SCOC: variants seen among roughly 807,000 people sequenced by gnomAD.
SCOC encodes short coiled-coil protein.
SCOC carries 7 observed loss-of-function variants against 9.9 expected under a neutral mutation model. The observed-to-expected ratio is 0.71, with a 90% confidence interval of 0.40 to 1.33. SCOC has a LOEUF of 1.33. SCOC is among the 40% of genes most tolerant of loss of function. The pLI is 0.01. For synonymous variants in SCOC, 19 were observed against 28.2 expected (o/e 0.67, Z 1.03); for missense variants, 66 against 89.7 (o/e 0.74, Z 1.07).
Position 140,276,739 on chromosome 4 carries a change from G to A in SCOC, c.-19+19329G>A, listed in dbSNP as rs536060064. The stretch of plus-strand genomic sequence containing the variant: ...CCCAAAGTGCTGGGATTACAGGCGT[G>A]AGCCACCTCGGCCAGCCACTCTCCC... On this transcript the variant is annotated intron_variant, in intron 1 of 4. Coordinates refer to the SCOC transcript ENST00000394205. 1.4e-4 allele frequency among the ~76,000 whole-genome samples: 22 copies of A among 152,080 alleles called. No homozygotes were observed. The South Asian group carries it at 3.7e-3, about 26-fold the overall frequency.
intron 2 of SCOC, among the ~76,000 whole-genome samples, chr4:140,344,491 G>C (rs560099684): frequency 2.0e-5 from 3 of 152,150 alleles, no homozygotes; most frequent in Admixed American, 1.3e-4. Context: ...ATACAGCCAC[G>C]CTTCTCCACT....
At chr4:140,294,903 CA>C (rs1187186843) in intron 1 of SCOC, among the ~76,000 whole-genome samples, 1 of 152,118 alleles carries the variant, frequency 6.6e-6, no homozygotes. Flanking sequence ...TTTCTGTGTC[CA>C]AATGTCTGGA....
chr4:140,349,124 C>T (rs1726868491), intron 2 of SCOC, among the ~76,000 whole-genome samples: 1 of 152,306 alleles, frequency 6.6e-6, no homozygotes, highest in East Asian at 1.9e-4. Context: ...TTCCTCTTAA[C>T]TCTGCAGTAA....
chr4:140,373,888 C>T (rs1047396880), intron 1 of SCOC, 171 bp downstream of exon 1: 9 of 747,956 alleles, frequency 1.2e-5, no homozygotes, highest in African/African-American at 5.2e-5. Context: ...AGGCCTGGCT[C>T]CCGGCAGAAC....
In SCOC at chr4:140,383,035, G is replaced by A. The variant is rs1728619461; in HGVS notation, c.*1931G>A. On this transcript the variant is annotated 3_prime_UTR_variant, in exon 4 of 4. Transcript: ENST00000608372. ...TAATTTGCAGAAAAAGAACATGGAA[G>A]TGTACATATGCAAGGTGTTATGGGC... 6.6e-6 allele frequency: 1 copy of A among 152,234 alleles called. No homozygotes were observed. Among genetic ancestry groups the A allele is most frequent in the Non-Finnish European group, 1.5e-5 (1 of 68,038 alleles). 9.4% of individuals were successfully genotyped at this position (152,234 alleles called of 1,614,324 possible). A position where few individuals can be genotyped will look rare whatever the true frequency, so the allele number is the denominator to read the frequency against.
Position 140,292,189 on chromosome 4 carries a change from G to GTTT in SCOC, c.-19+34794_-19+34796dup, listed in dbSNP as rs5862468. On this transcript the variant is annotated intron_variant, in intron 1 of 4. Coordinates refer to the SCOC transcript ENST00000394205. Reference sequence around the variant, plus strand: ...ATCTGCTTCCAGCGGTACTCTTCTGGTTTTTTTTTTTTTTTTTGAGACAGG... The same window carrying GTTT: ...ATCTGCTTCCAGCGGTACTCTTCTGGTTTTTTTTTTTTTTTTTTTTGAGACAGG... 3.0e-4 allele frequency among the ~76,000 whole-genome samples: 41 copies of GTTT among 135,450 alleles called. No homozygotes were observed. The East Asian group carries it at 3.7e-3, about 12-fold the overall frequency. The allele number at this position is 135,450 out of a possible 152,430, so 88.9% of individuals were successfully genotyped here.
At position 140,278,380 on chromosome 4, in the gene SCOC, A is replaced by C. The variant is rs574977510; in HGVS notation, c.-19+20970A>C. Among the ~76,000 whole-genome samples, 255 of 151,764 alleles carry C rather than the reference A, an allele frequency of 1.7e-3. 2 individuals are homozygous for C. The highest frequency in any genetic ancestry group is 3.4e-3 in the Middle Eastern group (1 of 294). ...AGTGGCGCAATCTTGGCTCACTGCG[A>C]GCTCGGCCTCCTGGGTTCACGCCAT... On this transcript the variant is annotated intron_variant, in intron 1 of 4. Coordinates refer to the SCOC transcript ENST00000394205.
rs1376673589 is a variant in SCOC, at chr4:140,383,294, C to T, written c.*2190C>T. The T allele has an allele frequency of 1.3e-5, 2 of 152,230 alleles. No individual in the cohort carries two copies. The highest frequency in any genetic ancestry group is 4.8e-5 in the African/African-American group (2 of 41,460). The allele number at this position is 152,230 out of a possible 1,614,324, so 9.4% of individuals were successfully genotyped here. A position where few individuals can be genotyped will look rare whatever the true frequency, so the allele number is the denominator to read the frequency against. Reference sequence around the variant, plus strand: ...TCTTCATCCAGCTAGTGATTCAGCTCACAATCTAGGATCTCTATTAAAGGT... The same window carrying T: ...TCTTCATCCAGCTAGTGATTCAGCTTACAATCTAGGATCTCTATTAAAGGT... On this transcript the variant is annotated 3_prime_UTR_variant, in exon 4 of 4. Coordinates refer to ENST00000608372, the MANE Select transcript of SCOC (RefSeq NM_001153484.2).
intron 1 of SCOC, among the ~76,000 whole-genome samples, chr4:140,295,265 T>A (rs2126441765): frequency 6.6e-6 from 1 of 152,264 alleles, no homozygotes; most frequent in South Asian, 2.1e-4. Context: ...TTACATCTGA[T>A]ATCTTTGGTC....
chr4:140,349,071 A>T (rs552219430), intron 2 of SCOC, among the ~76,000 whole-genome samples: 44 of 152,096 alleles, frequency 2.9e-4, no homozygotes, highest in South Asian at 8.3e-4. Context: ...GTTTTCTTGC[A>T]TTTTCCACTT....
chr4:140,278,061 T>C (rs189658200), intron 1 of SCOC, among the ~76,000 whole-genome samples: 7 of 152,364 alleles, frequency 4.6e-5, no homozygotes, highest in African/African-American at 1.7e-4. Flanking sequence ...GAACTAAGTA[T>C]AGTTGGCTAA....
chr4:140,291,200 A>T (rs962275414), intron 1 of SCOC, among the ~76,000 whole-genome samples: 1 of 152,206 alleles, frequency 6.6e-6, no homozygotes, highest in South Asian at 2.1e-4. Flanking sequence ...GTCTCCCAAT[A>T]TTCTTAAGTG....
At chr4:140,369,522 T>C (rs113510871), upstream of SCOC, among the ~76,000 whole-genome samples, 2,022 of 152,318 alleles carry the variant, frequency 0.013, 23 homozygotes, top group Non-Finnish European at 0.021. Flanking sequence ...ATATCCACAG[T>C]ACGTTTAGAA....
intron 1 of SCOC, chr4:140,284,725 A>G (rs182701196): frequency 6.0e-4 from 92 of 152,974 alleles, no homozygotes; most frequent in Non-Finnish European, 1.0e-3. Flanking sequence ...ACCAGGGAGA[A>G]GAAGAAAGAG....
At chr4:140,325,912 C>T (rs1010555122) in intron 1 of SCOC, among the ~76,000 whole-genome samples, 4 of 152,082 alleles carry the variant, frequency 2.6e-5, no homozygotes, top group Non-Finnish European at 4.4e-5. Context: ...ACAGTCATTC[C>T]AAACGAGAAA....
At chr4:140,355,220 T>TATATATG (rs1393757141) in intron 2 of SCOC, among the ~76,000 whole-genome samples, 4,697 of 18,678 alleles carry the variant, frequency 0.25, 155 homozygotes, top group East Asian at 0.35. Flanking sequence ...TTTATATATA[T>TATATATG]ATATATATAT....
At chr4:140,324,088 T>C (rs1732577578) in intron 1 of SCOC, among the ~76,000 whole-genome samples, 1 of 152,130 alleles carries the variant, frequency 6.6e-6, no homozygotes, top group African/African-American at 2.4e-5. Context: ...AATCAATCAA[T>C]GTAATTCATT....
Position 140,365,215 on chromosome 4 carries a change from G to A in SCOC, c.71-13906G>A, listed in dbSNP as rs546935450. On this transcript the variant is annotated intron_variant, in intron 2 of 4. Transcript: ENST00000338517. ...GAAAAGTGAAGGGTTTCAAGATCTG[G>A]ATCTTGGAGAAATGTAAGAGCTAAC... 2.5e-4 allele frequency among the ~76,000 whole-genome samples: 37 copies of A among 151,004 alleles called. 1 individual carries two copies. The South Asian group carries it at 7.1e-3, about 29-fold the overall frequency.
intron 1 of SCOC, among the ~76,000 whole-genome samples, chr4:140,303,668 C>T (rs1419441359): frequency 6.6e-6 from 1 of 152,172 alleles, no homozygotes; most frequent in Non-Finnish European, 1.5e-5. Context: ...TTCTGAGTTC[C>T]TCAGTTCAGC....
Sources: gnomAD v4.1 joint callset for allele counts (sites outside exome capture counted in the v4.1 genomes callset) on GRCh38, gnomAD v4.1.1 for gene constraint, MANE v1.5 for transcripts, NCBI Gene and HGNC (gene_info 2026-07-23, HGNC 2026-07-21) for gene names.